Variants in SFXN4 observed in about 807,000 individuals in gnomAD.
The protein encoded by SFXN4 is sideroflexin 4.
In SFXN4, 48 loss-of-function variants were observed where a neutral mutation model predicts 54.6. That is an observed-to-expected ratio of 0.88 (90% CI 0.70 to 1.12). SFXN4 has a LOEUF of 1.12. Ranked by LOEUF, SFXN4 falls within the 50% of genes most tolerant of loss-of-function variation. The pLI is 0.00. For synonymous variants in SFXN4, 130 were observed against 145.5 expected, an observed-to-expected ratio of 0.89 and a Z score of 0.77; for missense variants, 383 against 409.2, an observed-to-expected ratio of 0.94 and a Z score of 0.55.
At chr10:119,165,217 T>C in intron 1 of SFXN4, 1 of 1,082,670 alleles carries the variant, frequency 9.2e-7, no homozygotes, top group South Asian at 3.0e-5. Context: ...TGCGAGAGCC[T>C]GTTTCTCCCC....
chr10:119,152,730 A>G (rs1222234871), intron 11 of SFXN4, among the ~76,000 whole-genome samples: 1 of 151,988 alleles, frequency 6.6e-6, no homozygotes, highest in Non-Finnish European at 1.5e-5. Context: ...TCAGTCAGTG[A>G]TAGGATTTAA....
rs1297197233 is a variant in SFXN4 at position 119,142,182 on chromosome 10, AGAGT to A, written c.937-867_937-864del. Among the ~76,000 whole-genome samples the A allele has an allele frequency of 5.3e-5, 8 of 152,300 alleles. No individual in the cohort carries two copies. The South Asian group carries it at 6.2e-4, about 12-fold the overall frequency. The stretch of plus-strand genomic sequence containing the variant: ...ACCACTGCCCTCCAGCCTGGGCAAC[AGAGT>A]GAGAAACCCTGTCTCAAACACACAA... On this transcript the variant is annotated intron_variant, in intron 13 of 13. Coordinates refer to ENST00000355697, the MANE Select transcript of SFXN4 (RefSeq NM_213649.2).
intron 11 of SFXN4, among the ~76,000 whole-genome samples, chr10:119,149,485 C>T (rs1022514431): frequency 4.6e-5 from 7 of 152,176 alleles, no homozygotes; most frequent in African/African-American, 1.4e-4. Context: ...CACGGTGGCT[C>T]ATGCTTATAA....
intron 3 of SFXN4, chr10:119,162,049 G>T: frequency 2.3e-6 from 1 of 429,852 alleles, no homozygotes; most frequent in Non-Finnish European, 4.1e-6. Flanking sequence ...GGAATCAGCT[G>T]CAGGGAATCC....
rs769385583 is a variant in SFXN4 at position 119,162,385 on chromosome 10, C to T, written c.207G>A (p.Leu69=). Residue 69 remains leucine, a synonymous_variant, in exon 3 of 14, where the codon TTG becomes TTA. Transcript: ENST00000355697. ...VESIENSRQL[L]CTNEDVSSPA... is the part of the protein sequence containing the mutation. ...GGCTGGAAACATCTTCATTTGTGCA[C>T]AATAGTTGCCTCGAGTTTTCTATAC... The T allele has an allele frequency of 2.5e-6, 4 of 1,614,136 alleles. No homozygotes were observed. Among genetic ancestry groups the T allele is most frequent in the South Asian group, 1.1e-5 (1 of 91,080 alleles).
At chr10:119,155,288 G>C (rs1847236940) in intron 10 of SFXN4, 111 bp from the exon 11 acceptor site, 1 of 743,866 alleles carries the variant, frequency 1.3e-6, no homozygotes, top group African/African-American at 1.7e-5. Flanking sequence ...CTGACAGCTG[G>C]CCTTTCTTGA....
In SFXN4 at chr10:119,165,641, G is replaced by C. The variant is rs150682528; in HGVS notation, c.7C>G (p.Leu3Val). MS[L>V]EQEEETQPGR... is the part of the protein sequence containing the mutation. ...GGTTGCGTTTCCTCCTCCTGTTCCA[G>C]GGACATTTTGCGCTGGTTAGAGTGG... Residue 3 changes from leucine to valine, a missense_variant, in exon 1 of 14, where the codon CTG becomes GTG. Coordinates refer to ENST00000355697, the MANE Select transcript of SFXN4 (RefSeq NM_213649.2). The C allele has an allele frequency of 6.3e-7, 1 of 1,586,900 alleles. No individual in the cohort carries two copies. The highest frequency in any genetic ancestry group is 8.6e-7 in the Non-Finnish European group (1 of 1,169,436).
At chr10:119,149,922 T>C (rs1236505274) in intron 11 of SFXN4, among the ~76,000 whole-genome samples, 1 of 152,154 alleles carries the variant, frequency 6.6e-6, no homozygotes, top group African/African-American at 2.4e-5. Flanking sequence ...ACGCCGTCAT[T>C]AGGAGGCGCT....
chr10:119,149,034 A>C (rs921477849), intron 11 of SFXN4, among the ~76,000 whole-genome samples: 7 of 151,968 alleles, frequency 4.6e-5, no homozygotes, highest in Non-Finnish European at 8.8e-5. Flanking sequence ...TCACAGGTAC[A>C]CCCTACCAGG....
At chr10:119,148,166 T>C (rs1363899066) in intron 11 of SFXN4, among the ~76,000 whole-genome samples, 2 of 152,100 alleles carry the variant, frequency 1.3e-5, no homozygotes, top group African/African-American at 4.8e-5. Context: ...AGTGAAACTC[T>C]GTCTCAAAAA....
At chr10:119,147,233 G>A (rs1033162271) in intron 12 of SFXN4, among the ~76,000 whole-genome samples, 18 of 152,150 alleles carry the variant, frequency 1.2e-4, no homozygotes, top group Non-Finnish European at 2.4e-4. Context: ...TGCCCGTTCC[G>A]GCCCTAAAGC....
At chr10:119,155,309 G>A (rs1847237578) in intron 10 of SFXN4, 132 bp from the exon 11 acceptor site, 1 of 650,630 alleles carries the variant, frequency 1.5e-6, no homozygotes, top group Non-Finnish European at 2.8e-6. Flanking sequence ...CCCTCAGGTG[G>A]ACACCTGCCA....
intron 11 of SFXN4, among the ~76,000 whole-genome samples, chr10:119,153,311 T>C (rs996033760): frequency 4.7e-5 from 7 of 148,716 alleles, no homozygotes; most frequent in Non-Finnish European, 1.0e-4. Context: ...CTTGGAAGGC[T>C]GAGGTGAGAG....
At chr10:119,146,913 G>A (rs564783018) in intron 12 of SFXN4, among the ~76,000 whole-genome samples, 1 of 152,240 alleles carries the variant, frequency 6.6e-6, no homozygotes, top group East Asian at 1.9e-4. Context: ...CCTAGCAGGC[G>A]ATTCCCAGCC....
chr10:119,165,299 C>A, intron 1 of SFXN4: 1 of 1,244,388 alleles, frequency 8.0e-7, no homozygotes, highest in Admixed American at 4.6e-5. Context: ...TCCGAGAGGG[C>A]AATCTGGAGG....
chr10:119,144,410 T>C (rs1021973964), intron 13 of SFXN4, among the ~76,000 whole-genome samples: 3 of 152,050 alleles, frequency 2.0e-5, no homozygotes, highest in Non-Finnish European at 4.4e-5. Context: ...TGAGCCGAGA[T>C]TGCGCCACTG....
intron 6 of SFXN4, among the ~76,000 whole-genome samples, chr10:119,158,780 C>G (rs1335915854): frequency 6.6e-6 from 1 of 151,936 alleles, no homozygotes; most frequent in African/African-American, 2.4e-5. Context: ...GCCAGGAGTT[C>G]GACACCAGCC....
chr10:119,159,814 G>A, intron 5 of SFXN4, 61 bp from the exon 6 acceptor site: 1 of 1,575,744 alleles, frequency 6.3e-7, no homozygotes, highest in Non-Finnish European at 8.7e-7. Flanking sequence ...GAGGGGGCCA[G>A]AAGGGGACTA....
rs1297534716 is a variant in SFXN4 at position 119,157,568 on chromosome 10, T to C, written c.537+100A>G. 4.1e-6 allele frequency: 4 copies of C among 964,898 alleles called. No individual in the cohort carries two copies. In the African/African-American group the frequency reaches 4.9e-5, roughly 12 times the overall value. 59.8% of individuals were successfully genotyped at this position (964,898 alleles called of 1,614,324 possible). Reference sequence around the variant, plus strand: ...ACTTTTATTTCCTAGTCATATTTTCTAAATTGTTTAAATTGGAACATAAAT... The same window carrying C: ...ACTTTTATTTCCTAGTCATATTTTCCAAATTGTTTAAATTGGAACATAAAT... On this transcript the variant is annotated intron_variant, in intron 9 of 13. Transcript: ENST00000355697.
Sources: allele counts gnomAD v4.1 joint callset (sites outside exome capture counted in the v4.1 genomes callset), GRCh38; gene constraint gnomAD v4.1.1; transcripts MANE v1.5; gene names NCBI Gene and HGNC (gene_info 2026-07-23, HGNC 2026-07-21).